The following DIS3L2 variants were observed in gnomAD, a reference collection of about 807,000 sequenced individuals.
DIS3L2 encodes the protein DIS3-like exonuclease 2.
In DIS3L2, 34 loss-of-function variants were observed where a neutral mutation model predicts 97.5. That is an observed-to-expected ratio of 0.35 (90% CI 0.27 to 0.46). DIS3L2 has a LOEUF of 0.46. Among genes scored for constraint, DIS3L2 ranks in the 20% least tolerant of loss-of-function variants. The probability of loss-of-function intolerance (pLI) is 1.00; values close to 1 mark genes in which losing one functional copy is unlikely to be tolerated. For synonymous variants in DIS3L2, 435 were observed against 445.2 expected, an observed-to-expected ratio of 0.98 and a Z score of 0.29; for missense variants, 1,038 against 1,146.0, an observed-to-expected ratio of 0.91 and a Z score of 1.36.
At chr2:232,141,699 A>T (rs1690051769) in intron 8 of DIS3L2, among the ~76,000 whole-genome samples, 1 of 152,138 alleles carries the variant, frequency 6.6e-6, no homozygotes, top group African/African-American at 2.4e-5. Context: ...GGACTGTGGT[A>T]GAGATGGGAA....
At chr2:231,981,512 G>T (rs1693254544) in intron 1 of DIS3L2, among the ~76,000 whole-genome samples, 1 of 147,098 alleles carries the variant, frequency 6.8e-6, no homozygotes, top group Non-Finnish European at 1.5e-5. Flanking sequence ...TGTTGGCTAG[G>T]GCTGCTCCAG....
chr2:232,008,817 A>G (rs1377658587), intron 1 of DIS3L2, among the ~76,000 whole-genome samples: 3 of 152,350 alleles, frequency 2.0e-5, no homozygotes, highest in Middle Eastern at 3.4e-3. Context: ...GAGGCTTAAC[A>G]TAAGTCAGTG....
chr2:232,057,232 G>A (rs1245996872), intron 5 of DIS3L2, among the ~76,000 whole-genome samples: 2 of 152,146 alleles, frequency 1.3e-5, no homozygotes, highest in Non-Finnish European at 2.9e-5. Context: ...AGGGGCAAGA[G>A]AAGAACGTCT....
At chr2:231,981,742 A>G (rs1289463933) in intron 1 of DIS3L2, among the ~76,000 whole-genome samples, 1 of 150,196 alleles carries the variant, frequency 6.7e-6, no homozygotes, top group African/African-American at 2.4e-5. Flanking sequence ...GATGTTTAAT[A>G]CTAATTGGTG....
At chr2:232,064,825 A>G (rs1050004121) in intron 5 of DIS3L2, among the ~76,000 whole-genome samples, 1 of 152,120 alleles carries the variant, frequency 6.6e-6, no homozygotes, top group Non-Finnish European at 1.5e-5. Flanking sequence ...ATTTACACCC[A>G]TTAATATATA....
At chr2:232,055,402 A>G (rs1184546482) in intron 5 of DIS3L2, among the ~76,000 whole-genome samples, 2 of 152,236 alleles carry the variant, frequency 1.3e-5, no homozygotes, top group Non-Finnish European at 1.5e-5. Flanking sequence ...CAAAGAAAAA[A>G]TGTTACCCTT....
At chr2:231,967,847 T>C (rs973696317) in intron 1 of DIS3L2, among the ~76,000 whole-genome samples, 1 of 152,160 alleles carries the variant, frequency 6.6e-6, no homozygotes, top group Non-Finnish European at 1.5e-5. Flanking sequence ...GCCCAATTTG[T>C]GTTGTGTAGG....
intron 1 of DIS3L2, among the ~76,000 whole-genome samples, chr2:231,963,318 T>C (rs1211156416): frequency 6.6e-6 from 1 of 152,232 alleles, no homozygotes; most frequent in Non-Finnish European, 1.5e-5. Context: ...GATTGGCATT[T>C]CTCTGATAAT....
At chr2:232,092,295 C>T (rs909715953) in intron 6 of DIS3L2, among the ~76,000 whole-genome samples, 1 of 152,134 alleles carries the variant, frequency 6.6e-6, no homozygotes, top group Non-Finnish European at 1.5e-5. Context: ...CAGTACCATG[C>T]CGTTTTGGTT....
At chr2:232,024,237 T>C (rs1694596033) in intron 3 of DIS3L2, 40 bp from the exon 4 acceptor site, 1 of 1,452,518 alleles carries the variant, frequency 6.9e-7, no homozygotes. Flanking sequence ...ATCGTAAATA[T>C]ATAGCTAGAT....
chr2:232,037,938 G>A lies in DIS3L2; in HGVS notation c.366+7858G>A, dbSNP rs538924584. On this transcript the variant is annotated intron_variant, in intron 5 of 20. Transcript: ENST00000325385. The surrounding 1 kb of genome is among the most constrained non-coding windows in gnomAD (Gnocchi z 4.6). The stretch of plus-strand genomic sequence containing the variant: ...AATGCAGAAATCACCAGCCTTCTGC[G>A]TTGGTCTCACTGGGAGCTGCAGGCA... 2.6e-4 allele frequency among the ~76,000 whole-genome samples: 40 copies of A among 152,322 alleles called. No homozygotes were observed. The highest frequency in any genetic ancestry group is 6.3e-4 in the African/African-American group (26 of 41,574).
intron 5 of DIS3L2, 29 bp from the exon 6 acceptor site, chr2:232,087,446 CCTCTCTCAGTGA>C: frequency 2.2e-6 from 3 of 1,366,762 alleles, no homozygotes; most frequent in East Asian, 2.4e-5. Context: ...TTTTTTTTTT[CCTCTCTCAGTGA>C]TTTAGCAGAA....
intron 1 of DIS3L2, among the ~76,000 whole-genome samples, chr2:232,005,170 A>ATTTTTTTTTTTT (rs55757645): frequency 8.7e-5 from 11 of 126,530 alleles, no homozygotes; most frequent in East Asian, 2.3e-4. Context: ...AAGAATCTTG[A>ATTTTTTTTTTTT]TTTTTTTTTT....
intron 4 of DIS3L2, 104 bp downstream of exon 4, chr2:232,024,434 C>A: frequency 1.1e-6 from 1 of 898,334 alleles, no homozygotes. Context: ...AGTAGTGAAA[C>A]AAAATTGACG....
chr2:232,334,646 G>A lies in DIS3L2; in HGVS notation c.2305G>A (p.Glu769Lys). The A allele has an allele frequency of 6.2e-7, 1 of 1,608,966 alleles. No homozygotes were observed. The highest frequency in any genetic ancestry group is 8.5e-7 in the Non-Finnish European group (1 of 1,177,968). ...GTCCCTGCAGGAGAGTGGCCCCCTGGAGTCAGAAGCCATGGTGATGGGCAT... is the reference window on the plus strand; with the variant it reads ...GTCCCTGCAGGAGAGTGGCCCCCTGAAGTCAGAAGCCATGGTGATGGGCAT... ...AVLVKESGPL[E>K]SEAMVMGILK... is the part of the protein sequence containing the mutation. The change falls in exon 19 of 21, where the codon GAG (glutamate) becomes AAG (lysine). Residue 769 changes from glutamate to lysine, a missense_variant. Physicochemically the swap from Glu to Lys is moderately conservative, Grantham distance 56. Around this residue, in one of 3 missense-constraint regions of DIS3L2, gnomAD observed 221 missense variants for 246.9 expected, o/e 0.90. Transcript: ENST00000325385.
chr2:231,999,031 T>C (rs532609761), intron 1 of DIS3L2, among the ~76,000 whole-genome samples: 3 of 152,336 alleles, frequency 2.0e-5, no homozygotes, highest in Admixed American at 1.3e-4. Flanking sequence ...GCAAACCTTT[T>C]CTGTAAGTGG....
At chr2:231,975,704 CAAAAA>C (rs34710079) in intron 1 of DIS3L2, among the ~76,000 whole-genome samples, 16 of 55,402 alleles carry the variant, frequency 2.9e-4, no homozygotes, top group Non-Finnish European at 4.5e-4. Context: ...GACTCCGCCT[CAAAAA>C]AAAAAAAAAA....
chr2:232,341,215 G>C (rs1696094234), downstream of DIS3L2, among the ~76,000 whole-genome samples: 1 of 152,194 alleles, frequency 6.6e-6, no homozygotes, highest in Admixed American at 6.5e-5. Flanking sequence ...CAGGACCCAG[G>C]GTCCTTCAAG....
intron 19 of DIS3L2, 104 bp from the exon 20 acceptor site, chr2:232,335,669 G>A (rs1398146112): frequency 3.0e-6 from 4 of 1,324,230 alleles, no homozygotes; most frequent in Non-Finnish European, 4.2e-6. Context: ...GGTGGGCCAG[G>A]GCCGAGGGCT....
Sources: allele counts gnomAD v4.1 joint callset (sites outside exome capture counted in the v4.1 genomes callset), GRCh38; gene constraint gnomAD v4.1.1; regional missense constraint gnomAD v4.1.1; non-coding constraint Gnocchi (gnomAD v3.1); transcripts MANE v1.5; gene names NCBI Gene and HGNC (gene_info 2026-07-23, HGNC 2026-07-21).